CHD1: variants seen among roughly 807,000 people sequenced by gnomAD.
CHD1 encodes chromodomain helicase DNA binding protein 1, also known as ATP-dependent chromatin remodeler CHD1.
In CHD1, 36 loss-of-function variants were observed where a neutral mutation model predicts 224.2. The ratio of observed to expected loss-of-function variants is 0.16; its 90% CI spans 0.12 to 0.21. CHD1 has a LOEUF of 0.21. Among genes scored for constraint, CHD1 ranks in the 10% least tolerant of loss-of-function variants. The probability of loss-of-function intolerance (pLI) is 1.00; values close to 1 mark genes in which losing one functional copy is unlikely to be tolerated. For missense variants in CHD1, 1,378 were observed against 1,994.8 expected (o/e 0.69, Z 5.89); for synonymous variants, 668 against 658.3 (o/e 1.01, Z -0.23).
At chr5:98,859,135 ATG>A (rs1363509979) in intron 33 of CHD1, 120 bp from the exon 34 acceptor site, 4 of 691,400 alleles carry the variant, frequency 5.8e-6, no homozygotes, top group East Asian at 3.1e-5. Flanking sequence ...TAGAATGTTT[ATG>A]TGTGTATATA....
Position 98,879,602 on chromosome 5 carries a change from C to T in CHD1, c.3187G>A (p.Glu1063Lys). The change falls in exon 23 of 36, where the codon GAA (glutamate) becomes AAA (lysine). Residue 1063 changes from glutamate to lysine, a missense_variant. Glu to Lys is a moderately conservative substitution (Grantham distance 56, BLOSUM62 1). Transcript: ENST00000614616. ...RRLEEEERQK[E>K]LEEIYMLPRM... is the part of the protein sequence containing the mutation. ...GGGAGCATATAAATTTCTTCAAGTT[C>T]CTTTTGTCTTTCTTCTTCTTCTAAT... is the stretch of plus-strand genomic sequence containing the variant. 2 of 1,604,148 alleles carry T rather than the reference C, an allele frequency of 1.2e-6. No homozygotes were observed. Among genetic ancestry groups the T allele is most frequent in the Non-Finnish European group, 1.7e-6 (2 of 1,177,242 alleles).
At chr5:98,904,788 A>G in intron 3 of CHD1, 109 bp downstream of exon 3, 2 of 984,234 alleles carry the variant, frequency 2.0e-6, no homozygotes, top group Non-Finnish European at 3.1e-6. Flanking sequence ...TTTTAATTTA[A>G]AATGTTGTCT....
At chr5:98,874,602 C>T (rs942908612) in intron 25 of CHD1, among the ~76,000 whole-genome samples, 5 of 149,882 alleles carry the variant, frequency 3.3e-5, no homozygotes, top group African/African-American at 1.2e-4. Flanking sequence ...GTCCCAGCTG[C>T]TCGAGAGGCT....
intron 14 of CHD1, among the ~76,000 whole-genome samples, chr5:98,893,153 G>C (rs570907853): frequency 7.2e-5 from 11 of 152,190 alleles, no homozygotes; most frequent in African/African-American, 2.6e-4. Flanking sequence ...TACTGTGTTA[G>C]TTTTTCAAAC....
chr5:98,896,094 G>T, intron 12 of CHD1, 132 bp downstream of exon 12: 1 of 691,066 alleles, frequency 1.4e-6, no homozygotes. Flanking sequence ...GGTCCCAGTT[G>T]CAGTGAGCCA....
intron 27 of CHD1, 79 bp from the exon 28 acceptor site, chr5:98,872,280 TA>T: frequency 6.7e-7 from 1 of 1,503,226 alleles, no homozygotes; most frequent in African/African-American, 1.4e-5. Context: ...CGTGAGTCAT[TA>T]GAACTTCAAA....
chr5:98,898,299 A>T lies in CHD1; in HGVS notation c.1322T>A (p.Phe441Tyr), dbSNP rs774413561. Reference protein sequence around the residue: ...KKFQACIDEYFSRNQSKTTPF... With the variant: ...KKFQACIDEYYSRNQSKTTPF... ...AGTGGTTTTTGATTGGTTCCTGCTA[A>T]AATACTCATCAATGCATGCTTGAAA... Residue 441 changes from phenylalanine to tyrosine, a missense_variant, in exon 10 of 36, where the codon TTT becomes TAT. Phe to Tyr is a conservative substitution (Grantham distance 22). Transcript: ENST00000614616. 1 of 1,582,854 alleles carries T rather than the reference A, an allele frequency of 6.3e-7. No individual in the cohort carries two copies. Among genetic ancestry groups the T allele is most frequent in the East Asian group, 2.3e-5 (1 of 43,680 alleles).
At chr5:98,860,165 C>A in intron 32 of CHD1, 97 bp from the exon 33 acceptor site, 1 of 711,448 alleles carries the variant, frequency 1.4e-6, no homozygotes. Flanking sequence ...AACACATATA[C>A]ACATACACAG....
At chr5:98,880,945 G>A (rs1375679453) in intron 22 of CHD1, 131 bp downstream of exon 22, 1 of 670,918 alleles carries the variant, frequency 1.5e-6, no homozygotes, top group East Asian at 2.8e-5. Context: ...GTCTGAACAA[G>A]AGAGAGTAGT....
At position 98,899,670 on chromosome 5, in the gene CHD1, C is replaced by T. The variant is rs199813900; in HGVS notation, c.895G>A (p.Ala299Thr). ...AAGCCTGCATTTGGGTCACCATCTG[C>T]TTCAACTGCATAGATGGTTGTAGTA... ...GATTTIYAVE[A>T]DGDPNAGFEK... Residue 299 changes from alanine (A) to threonine (T), a missense_variant, in exon 8 of 36, where the codon GCA becomes ACA. This residue lies in a region of CHD1 where 40 missense variants were observed against 60.0 expected (regional missense o/e 0.67). Coordinates refer to ENST00000614616, the MANE Select transcript of CHD1 (RefSeq NM_001270.4). The T allele has an allele frequency of 1.7e-4, 273 of 1,613,594 alleles. No individual in the cohort carries two copies. The highest frequency in any genetic ancestry group is 2.2e-4 in the Non-Finnish European group (262 of 1,179,874).
chr5:98,920,816 C>G (rs953611310), intron 2 of CHD1, among the ~76,000 whole-genome samples: 2 of 147,974 alleles, frequency 1.4e-5, no homozygotes, highest in Non-Finnish European at 3.0e-5. Context: ...AAAAAAAAGA[C>G]AAATCTAGAT....
intron 2 of CHD1, among the ~76,000 whole-genome samples, chr5:98,911,146 A>AAAAAAAAAATATATAT (rs1491111295): frequency 2.3e-4 from 9 of 39,116 alleles, no homozygotes; most frequent in African/African-American, 1.1e-3. Flanking sequence ...AAAAAAAAAA[A>AAAAAAAAAATATATAT]ATATATATAT....
intron 7 of CHD1, among the ~76,000 whole-genome samples, chr5:98,899,926 AAGAC>A (rs1751585531): frequency 1.3e-5 from 2 of 152,136 alleles, no homozygotes; most frequent in South Asian, 2.1e-4. Context: ...AAAAAATAAA[AAGAC>A]AGAGATCCAC....
chr5:98,927,747 G>T (rs1753570960), intron 1 of CHD1, among the ~76,000 whole-genome samples: 1 of 151,812 alleles, frequency 6.6e-6, no homozygotes, highest in Admixed American at 6.6e-5. Flanking sequence ...TCCCCTTTTC[G>T]TTCTTTCCTT....
At chr5:98,922,188 G>A (rs1017407643) in intron 2 of CHD1, among the ~76,000 whole-genome samples, 1 of 151,792 alleles carries the variant, frequency 6.6e-6, no homozygotes, top group Non-Finnish European at 1.5e-5. Context: ...CTAAAAAAAA[G>A]TCTACCAGGA....
At chr5:98,916,272 G>A (rs1320512652) in intron 2 of CHD1, among the ~76,000 whole-genome samples, 1 of 152,024 alleles carries the variant, frequency 6.6e-6, no homozygotes, top group African/African-American at 2.4e-5. Context: ...TTTGGCAGGT[G>A]TGGTGGCCCA....
intron 31 of CHD1, 79 bp downstream of exon 31, chr5:98,868,416 A>C (rs2112294221): frequency 7.7e-7 from 1 of 1,297,916 alleles, no homozygotes; most frequent in Non-Finnish European, 1.1e-6. Context: ...TGCAGTTCTA[A>C]ATTAAATGCT....
chr5:98,863,424 T>C lies in CHD1; in HGVS notation c.4411A>G (p.Ile1471Val), dbSNP rs1356602609. 1.3e-6 allele frequency: 2 copies of C among 1,552,888 alleles called. No homozygotes were observed. The highest frequency in any genetic ancestry group is 1.2e-5 in the South Asian group (1 of 80,794). Residue 1471 changes from isoleucine (I) to valine (V), a missense_variant, in exon 32 of 36, where the codon ATT (isoleucine) becomes GTT (valine). Physicochemically the swap from Ile to Val is conservative, Grantham distance 29. This residue lies in a region of CHD1 where 278 missense variants were observed against 298.5 expected (regional missense o/e 0.93). Coordinates refer to ENST00000614616, the MANE Select transcript of CHD1 (RefSeq NM_001270.4). ...CLKEYTNPEQ[I>V]KQWRKNLWIF... Reference sequence around the variant, plus strand: ...ATCACTTACTTTCTCCATTGCTTAATTTGTTCAGGATTTGTATACTCTTTT... The same window carrying C: ...ATCACTTACTTTCTCCATTGCTTAACTTGTTCAGGATTTGTATACTCTTTT...
chr5:98,907,986 T>TA (rs1752158433), intron 2 of CHD1, among the ~76,000 whole-genome samples: 1 of 152,146 alleles, frequency 6.6e-6, no homozygotes, highest in African/African-American at 2.4e-5. Flanking sequence ...CTCTCCCTAA[T>TA]AAAGTAATTT....
Sources: gnomAD v4.1 joint callset for allele counts (sites outside exome capture counted in the v4.1 genomes callset) on GRCh38, gnomAD v4.1.1 for gene constraint, gnomAD v4.1.1 regional missense constraint, MANE v1.5 for transcripts, NCBI Gene and HGNC (gene_info 2026-07-23, HGNC 2026-07-21) for gene names.